NFAT5: variants seen among roughly 807,000 people sequenced by gnomAD.
NFAT5 encodes the protein nuclear factor of activated T-cells 5.
A neutral mutation model predicts 166.5 loss-of-function variants in NFAT5; 31 were observed. That is an observed-to-expected ratio of 0.19 (90% CI 0.14 to 0.25). NFAT5 has a LOEUF of 0.25. Ranked by LOEUF, NFAT5 falls within the 10% of genes least tolerant of loss-of-function variation. NFAT5 has a pLI of 1.00. For synonymous variants in NFAT5, 612 were observed against 639.7 expected (o/e 0.96, Z 0.65); for missense variants, 1,449 against 1,821.8 (o/e 0.80, Z 3.72).
In NFAT5 at chr16:69,659,400, G is replaced by A. The variant is rs577707155; in HGVS notation, c.1197-327G>A. 9.5e-4 allele frequency among the ~76,000 whole-genome samples: 145 copies of A among 151,854 alleles called. 2 individuals carry two copies. In the South Asian group the frequency reaches 0.029, roughly 30 times the overall value. ...AGAGGTTGCAGTGAGCCGAGATCAC[G>A]CCACTGCACTCCAGCCTGGGTGACA... On this transcript the variant is annotated intron_variant, in intron 6 of 14. Coordinates refer to ENST00000349945, the MANE Select transcript of NFAT5 (RefSeq NM_138713.4).
Position 69,661,539 on chromosome 16 carries a change from TAAAAAAAAAAAA to T in NFAT5, c.1369+1657_1369+1668del, listed in dbSNP as rs1037382239. On this transcript the variant is annotated intron_variant, in intron 7 of 14. Transcript: ENST00000349945. ...AGCCTGTATAAGAGACCCAGTCTCT[TAAAAAAAAAAAA>T]AAAAAAAAAAAAAAAAGGAAATTGT... is the stretch of plus-strand genomic sequence containing the variant. 5.1e-3 allele frequency among the ~76,000 whole-genome samples: 194 copies of T among 37,950 alleles called. 2 individuals are homozygous for T. The highest frequency in any genetic ancestry group is 0.022 in the African/African-American group (180 of 8,162). 24.9% of individuals were successfully genotyped at this position (37,950 alleles called of 152,430 possible).
chr16:69,578,721 C>T (rs1329348801), intron 2 of NFAT5, among the ~76,000 whole-genome samples: 1 of 151,664 alleles, frequency 6.6e-6, no homozygotes, highest in Admixed American at 6.6e-5. Context: ...CATTCTGAAA[C>T]ACTGAAACAA....
intron 1 of NFAT5, 112 bp from the exon 2 acceptor site, chr16:69,568,382 AT>A: frequency 3.6e-6 from 1 of 274,680 alleles, no homozygotes; most frequent in East Asian, 6.8e-5. Flanking sequence ...GTGTGTATAT[AT>A]ATATATATAT....
intron 12 of NFAT5, 23 bp downstream of exon 12, chr16:69,691,111 C>G (rs1358925678): frequency 6.7e-7 from 1 of 1,498,722 alleles, no homozygotes; most frequent in East Asian, 2.4e-5. Flanking sequence ...GACTAGTGCA[C>G]AAACCTCCTA....
At chr16:69,624,917 AAG>A (rs2034383555) in intron 2 of NFAT5, among the ~76,000 whole-genome samples, 2 of 150,966 alleles carry the variant, frequency 1.3e-5, no homozygotes, top group South Asian at 2.1e-4. Flanking sequence ...AAAAAAAAAA[AAG>A]AAGGAGTTTC....
chr16:69,677,228 C>T lies in NFAT5; in HGVS notation c.1583C>T (p.Pro528Leu). Reference protein sequence around the residue: ...HQNHLIVKVPPYHDQHITLPV... With the variant: ...HQNHLIVKVPLYHDQHITLPV... ...AATCATCTTATTGTGAAGGTTCCTC[C>T]CTATCATGACCAACATATAACTTTG... is the stretch of plus-strand genomic sequence containing the variant. Residue 528 changes from proline to leucine, a missense_variant, in exon 10 of 15, where the codon CCC (proline) becomes CTC (leucine). Physicochemically the swap from Pro to Leu is moderately conservative, Grantham distance 98. Around this residue, in one of 7 missense-constraint regions of NFAT5, gnomAD observed 245 missense variants for 366.6 expected, o/e 0.67. Coordinates refer to ENST00000349945, the MANE Select transcript of NFAT5 (RefSeq NM_138713.4). 6.2e-7 allele frequency: 1 copy of T among 1,608,592 alleles called. No homozygotes were observed. Among genetic ancestry groups the T allele is most frequent in the Non-Finnish European group, 8.5e-7 (1 of 1,178,424 alleles).
chr16:69,653,448 T>C lies in NFAT5; in HGVS notation c.1005+20T>C. On this transcript the variant is annotated intron_variant, in intron 5 of 14. Coordinates refer to ENST00000349945, the MANE Select transcript of NFAT5 (RefSeq NM_138713.4). ...GTAAAGGTATTTACTTTATTTATCA[T>C]TTGAATTTTAGTTAAAATGTAAAGG... The C allele has an allele frequency of 2.1e-6, 3 of 1,415,756 alleles. No individual in the cohort carries two copies. Among genetic ancestry groups the C allele is most frequent in the Non-Finnish European group, 2.8e-6 (3 of 1,065,392 alleles). 87.7% of individuals were successfully genotyped at this position (1,415,756 alleles called of 1,614,324 possible). A position where few individuals can be genotyped will look rare whatever the true frequency, so the allele number is the denominator to read the frequency against.
chr16:69,640,430 A>G (rs955656566), intron 3 of NFAT5, among the ~76,000 whole-genome samples: 5 of 152,216 alleles, frequency 3.3e-5, no homozygotes, highest in Admixed American at 6.5e-5. Flanking sequence ...GTAGAAAATG[A>G]AGGTTGGCAT....
At chr16:69,580,566 C>T (rs909499071) in intron 2 of NFAT5, among the ~76,000 whole-genome samples, 1 of 151,668 alleles carries the variant, frequency 6.6e-6, no homozygotes, top group Non-Finnish European at 1.5e-5. Context: ...CACTGTGTTG[C>T]GCAGGGTTTA....
intron 11 of NFAT5, among the ~76,000 whole-genome samples, chr16:69,687,026 A>C (rs1017593797): frequency 2.2e-4 from 34 of 152,208 alleles, no homozygotes; most frequent in Non-Finnish European, 7.3e-5. Context: ...TTTATAATGT[A>C]CTACTAAATT....
At chr16:69,588,194 C>T (rs1214448285) in intron 2 of NFAT5, among the ~76,000 whole-genome samples, 2 of 152,032 alleles carry the variant, frequency 1.3e-5, no homozygotes, top group African/African-American at 2.4e-5. Context: ...TCGTGATCCA[C>T]CTGCCTCGGC....
intron 3 of NFAT5, among the ~76,000 whole-genome samples, chr16:69,645,340 A>G (rs1276871700): frequency 3.3e-5 from 5 of 152,220 alleles, no homozygotes; most frequent in African/African-American, 1.2e-4. Context: ...AGAAGGATAC[A>G]TACTGGAAAA....
chr16:69,582,295 A>G (rs2031751850), intron 2 of NFAT5, among the ~76,000 whole-genome samples: 1 of 152,036 alleles, frequency 6.6e-6, no homozygotes, highest in Non-Finnish European at 1.5e-5. Context: ...AAAATAAAAT[A>G]AAATTGGGTT....
intron 4 of NFAT5, chr16:69,648,249 C>T (rs1449921393): frequency 1.0e-6 from 1 of 984,064 alleles, no homozygotes; most frequent in African/African-American, 1.8e-5. Context: ...ACAACTCAAA[C>T]AGTCACTAAG....
chr16:69,644,871 G>A (rs1334622341), intron 3 of NFAT5: 10 of 453,756 alleles, frequency 2.2e-5, no homozygotes, highest in Non-Finnish European at 4.4e-5. Flanking sequence ...GTGGGAGAAA[G>A]TTGCTTTATA....
At chr16:69,588,385 C>T (rs1375486207) in intron 2 of NFAT5, among the ~76,000 whole-genome samples, 1 of 152,134 alleles carries the variant, frequency 6.6e-6, no homozygotes, top group Non-Finnish European at 1.5e-5. Flanking sequence ...ATCAGGGTTG[C>T]CTGTATTTGG....
rs769258382 is a variant in NFAT5, at chr16:69,677,323, A to G, written c.1678A>G (p.Thr560Ala). The G allele has an allele frequency of 6.3e-7, 1 of 1,587,648 alleles. No homozygotes were observed. The highest frequency in any genetic ancestry group is 8.5e-7 in the Non-Finnish European group (1 of 1,171,562). The change falls in exon 10 of 15, where the codon ACT becomes GCT. Residue 560 changes from threonine (T) to alanine (A), a missense_variant. Transcript: ENST00000349945. ...TCATGATGTTCAACCATTCACTTAC[A>G]CTCCAGACCCAGGTATGTCAAAATG... Reference protein sequence around the residue: ...RSHDVQPFTYTPDPAAAGALN... With the variant: ...RSHDVQPFTYAPDPAAAGALN...
rs769141428 is a variant in NFAT5, at chr16:69,694,140, T to G, written c.4315T>G (p.Leu1439Val). 5 of 1,614,212 alleles carry G rather than the reference T, an allele frequency of 3.1e-6. No homozygotes were observed. The South Asian group carries it at 5.5e-5, about 18-fold the overall frequency. Residue 1439 changes from leucine to valine, a missense_variant, in exon 13 of 15, where the codon TTA (leucine) becomes GTA (valine). Coordinates refer to ENST00000349945, the MANE Select transcript of NFAT5 (RefSeq NM_138713.4). ...ATSSPQPQAT[L>V]FHNTAGGTMN... ...ATCTTCGCCTCAACCACAGGCTACT[T>G]TATTTCACAACACAGCAGGAGGCAC...
At chr16:69,623,754 G>A (rs1054709741) in intron 2 of NFAT5, among the ~76,000 whole-genome samples, 15 of 150,836 alleles carry the variant, frequency 9.9e-5, no homozygotes, top group East Asian at 1.9e-4. Context: ...TAATCTGCCT[G>A]CCTCGGCCTC....
Sources: allele counts gnomAD v4.1 joint callset (sites outside exome capture counted in the v4.1 genomes callset), GRCh38; gene constraint gnomAD v4.1.1; regional missense constraint gnomAD v4.1.1; transcripts MANE v1.5; gene names NCBI Gene and HGNC (gene_info 2026-07-23, HGNC 2026-07-21).